Variants in MROH2B observed in about 807,000 individuals in gnomAD.
The protein encoded by MROH2B is maestro heat-like repeat-containing protein family member 2B.
Under a neutral mutation model 208.6 loss-of-function variants are expected in MROH2B, and 177 were observed. The observed-to-expected ratio is 0.85, with a 90% CI of 0.75 to 0.96. The LOEUF (loss-of-function observed/expected upper bound fraction) is 0.96, where lower values mean the gene tolerates loss of function less well. Ranked by LOEUF, MROH2B falls within the 40% of genes least tolerant of loss-of-function variation. The pLI is 0.00. For synonymous variants in MROH2B, 728 were observed against 659.0 expected (o/e 1.10, Z -1.60); for missense variants, 2,002 against 1,878.7 (o/e 1.07, Z -1.21).
At chr5:40,998,541 T>G in intron 41 of MROH2B, 71 bp downstream of exon 41, 1 of 1,301,538 alleles carries the variant, frequency 7.7e-7, no homozygotes, top group Non-Finnish European at 1.1e-6. Context: ...ACGTGGAACT[T>G]AGAACAGCAA....
intron 21 of MROH2B, among the ~76,000 whole-genome samples, chr5:41,036,782 A>G (rs1338370870): frequency 6.6e-6 from 1 of 152,154 alleles, no homozygotes. Context: ...TCCTGTATCT[A>G]AAAGTTGAAA....
chr5:41,000,455 G>A, intron 38 of MROH2B, 104 bp from the exon 39 acceptor site: 4 of 1,451,238 alleles, frequency 2.8e-6, no homozygotes, highest in Non-Finnish European at 3.7e-6. Context: ...AAAAGTCAGT[G>A]GTGTGAATGG....
At chr5:41,061,538 A>C (rs765635886) in intron 6 of MROH2B, 32 bp downstream of exon 6, 3 of 1,570,538 alleles carry the variant, frequency 1.9e-6, no homozygotes, top group Non-Finnish European at 2.6e-6. Context: ...ATATAGGGAC[A>C]TCCAGCTTGA....
chr5:41,044,588 A>C (rs1271831053), intron 18 of MROH2B, among the ~76,000 whole-genome samples: 1 of 152,202 alleles, frequency 6.6e-6, no homozygotes, highest in Non-Finnish European at 1.5e-5. Flanking sequence ...TGAGGTGCAC[A>C]GAGCTAGTTT....
rs139857493 is a variant in MROH2B at position 41,005,367 on chromosome 5, G to A, written c.3864+164C>T. The A allele has an allele frequency of 4.6e-4, 272 of 586,568 alleles. 4 individuals are homozygous for A. The highest frequency in any genetic ancestry group is 1.4e-3 in the East Asian group (49 of 35,740). The allele number at this position is 586,568 out of a possible 1,614,324, so 36.3% of individuals were successfully genotyped here. On this transcript the variant is annotated intron_variant, in intron 35 of 41. Transcript: ENST00000399564. ...GGTTTATTTTCCTCTCTCACCCCCT[G>A]CTTAGGTACCATATATCTGGCAGTA...
rs774386566 is a variant in MROH2B at position 41,018,682 on chromosome 5, T to C, written c.2673+9A>G. 32 of 1,613,066 alleles carry C rather than the reference T, an allele frequency of 2.0e-5. No individual in the cohort carries two copies. In the South Asian group the frequency reaches 3.5e-4, roughly 18 times the overall value. On this transcript the variant is annotated intron_variant, in intron 26 of 41. Transcript: ENST00000399564. ...AATGAGAATCAGTTTGAGTGGAGGCTCTACTCACATTAAACATTTCTTGAC... is the reference window on the plus strand; with the variant it reads ...AATGAGAATCAGTTTGAGTGGAGGCCCTACTCACATTAAACATTTCTTGAC...
rs954354172 is a variant in MROH2B at position 41,007,394 on chromosome 5, C to T, written c.3669G>A (p.Lys1223=). The T allele has an allele frequency of 1.3e-6, 2 of 1,561,468 alleles. No individual in the cohort carries two copies. Among genetic ancestry groups the T allele is most frequent in the South Asian group, 1.2e-5 (1 of 83,366 alleles). Residue 1223 remains lysine, a synonymous_variant, in exon 34 of 42, where the codon AAG becomes AAA. Transcript: ENST00000399564. ...QAQAMREGLA[K]ESDEGDNLWT... The stretch of plus-strand genomic sequence containing the variant: ...ATAAGTTGTCCCCCTCATCAGATTC[C>T]TTTGCAAGGCCTTCTCTCATGGCTT...
chr5:41,006,979 C>T (rs564714956), intron 34 of MROH2B, among the ~76,000 whole-genome samples: 5 of 150,496 alleles, frequency 3.3e-5, no homozygotes, highest in African/African-American at 9.8e-5. Context: ...CAAAAACCTA[C>T]TGAAATAAAA....
intron 7 of MROH2B, among the ~76,000 whole-genome samples, chr5:41,057,563 C>CTTTTTTTGTTTTTTTTTTTTTTT (rs1743498922): frequency 1.4e-5 from 1 of 73,252 alleles, no homozygotes; most frequent in Non-Finnish European, 2.4e-5. Context: ...AATATCCCTC[C>CTTTTTTTGTTTTTTTTTTTTTTT]TTTTTTTTTT....
At chr5:41,025,212 C>G (rs917477480) in intron 24 of MROH2B, among the ~76,000 whole-genome samples, 1 of 151,642 alleles carries the variant, frequency 6.6e-6, no homozygotes, top group African/African-American at 2.4e-5. Flanking sequence ...GATAGAGACA[C>G]AAAAAGCCCT....
chr5:41,071,183 C>G lies in MROH2B; in HGVS notation c.-331G>C, dbSNP rs532600231. On this transcript the variant is annotated 5_prime_UTR_variant, in exon 1 of 42. An upstream start codon of the reference 5' UTR is lost. Coordinates refer to ENST00000399564, the MANE Select transcript of MROH2B (RefSeq NM_173489.5). The stretch of plus-strand genomic sequence containing the variant: ...AGTAATTAGAGACTGGGATTCAAAC[C>G]ATTGTTGCAGACCAAAGGTGCTCCT... 1 of 278,084 alleles carries G rather than the reference C, an allele frequency of 3.6e-6. No homozygotes were observed. The highest frequency in any genetic ancestry group is 4.7e-5 in the Admixed American group (1 of 21,402). The allele number at this position is 278,084 out of a possible 1,614,324, so 17.2% of individuals were successfully genotyped here.
chr5:41,004,386 A>G lies in MROH2B; in HGVS notation c.4154T>C (p.Phe1385Ser). Reference protein sequence around the residue: ...LLTDRDVSFYFKEIVLQTRTF... With the variant: ...LLTDRDVSFYSKEIVLQTRTF... ...CCTTGTTTGCAGCACTATTTCCTTG[A>G]AGTAGAAGCTCACGTCTCGGTCTGT... Residue 1385 changes from phenylalanine to serine, a missense_variant, in exon 37 of 42, where the codon TTC (phenylalanine) becomes TCC (serine). By Grantham distance (155) the Phe-to-Ser change is radical. Coordinates refer to ENST00000399564, the MANE Select transcript of MROH2B (RefSeq NM_173489.5). The G allele has an allele frequency of 6.2e-7, 1 of 1,613,934 alleles. No individual in the cohort carries two copies. The highest frequency in any genetic ancestry group is 8.5e-7 in the Non-Finnish European group (1 of 1,179,872).
At chr5:41,046,477 ATATATTATCTCTCC>A (rs1382386539) in intron 17 of MROH2B, among the ~76,000 whole-genome samples, 1 of 151,966 alleles carries the variant, frequency 6.6e-6, no homozygotes, top group Non-Finnish European at 1.5e-5. Flanking sequence ...ATTGCAATAT[ATATATTATCTCTCC>A]TATATTTTTT....
At position 41,004,991 on chromosome 5, in the gene MROH2B, A is replaced by T. The variant is rs1001344376; in HGVS notation, c.3865-71T>A. The T allele has an allele frequency of 3.2e-6, 5 of 1,547,176 alleles. No homozygotes were observed. The Admixed American group carries it at 1.0e-4, about 31-fold the overall frequency. On this transcript the variant is annotated intron_variant, in intron 35 of 41. Transcript: ENST00000399564. ...CCTCCTTCAGGAGAGTGCCAAAGACATCACAAGTACAATTAAAGAGAGGAC... is the reference window on the plus strand; with the variant it reads ...CCTCCTTCAGGAGAGTGCCAAAGACTTCACAAGTACAATTAAAGAGAGGAC...
chr5:41,020,339 T>C (rs1311495264), intron 24 of MROH2B, among the ~76,000 whole-genome samples: 1 of 152,230 alleles, frequency 6.6e-6, no homozygotes, highest in African/African-American at 2.4e-5. Flanking sequence ...AACACTCTTC[T>C]AGAGACTGGT....
At chr5:41,010,252 G>A (rs1383775241) in intron 30 of MROH2B, among the ~76,000 whole-genome samples, 173 bp from the exon 31 acceptor site, 2 of 152,152 alleles carry the variant, frequency 1.3e-5, no homozygotes, top group Non-Finnish European at 2.9e-5. Flanking sequence ...TTCATGAATT[G>A]GCTATTTGTT....
intron 24 of MROH2B, among the ~76,000 whole-genome samples, chr5:41,029,606 C>A (rs1488768943): frequency 1.3e-5 from 2 of 152,032 alleles, no homozygotes; most frequent in Non-Finnish European, 2.9e-5. Flanking sequence ...TTATGTTACA[C>A]CATATGCTAA....
chr5:41,044,441 T>C (rs1743055537), intron 18 of MROH2B, among the ~76,000 whole-genome samples: 1 of 152,150 alleles, frequency 6.6e-6, no homozygotes, highest in Admixed American at 6.5e-5. Flanking sequence ...ATTAGTACAT[T>C]CTTACTTTAC....
intron 22 of MROH2B, 44 bp from the exon 23 acceptor site, chr5:41,033,204 C>T (rs759403444): frequency 1.2e-6 from 2 of 1,604,414 alleles, no homozygotes; most frequent in Non-Finnish European, 1.7e-6. Context: ...TCTAAGACAC[C>T]ACACTCAGGT....
Sources: allele counts gnomAD v4.1 joint callset (sites outside exome capture counted in the v4.1 genomes callset), GRCh38; gene constraint gnomAD v4.1.1; transcripts MANE v1.5; gene names NCBI Gene and HGNC (gene_info 2026-07-23, HGNC 2026-07-21).